The following KLHL29 variants were observed in gnomAD, a reference collection of about 807,000 sequenced individuals.
KLHL29 encodes kelch-like protein 29.
Under a neutral mutation model 80.4 loss-of-function variants are expected in KLHL29, and 21 were observed. That is an observed-to-expected ratio of 0.26 (90% CI 0.19 to 0.38). KLHL29 has a LOEUF of 0.38. Ranked by LOEUF, KLHL29 falls within the 10% of genes least tolerant of loss-of-function variation. The pLI, the probability that KLHL29 is intolerant of heterozygous loss-of-function variation, is 1.00. For missense variants in KLHL29, 867 were observed against 1,223.9 expected (o/e 0.71, Z 4.35); for synonymous variants, 511 against 526.8 (o/e 0.97, Z 0.41).
chr2:23,439,883 A>G (rs974512329), intron 1 of KLHL29, among the ~76,000 whole-genome samples: 10 of 152,026 alleles, frequency 6.6e-5, no homozygotes, highest in South Asian at 2.1e-4. Flanking sequence ...TTTCTGTCTC[A>G]TTGATCTGTC....
rs1671063955 is a variant in KLHL29, at chr2:23,680,795, C to T, written c.941-3604C>T. Among the ~76,000 whole-genome samples, 1 of 152,058 alleles carries T rather than the reference C, an allele frequency of 6.6e-6. No individual in the cohort carries two copies. Among genetic ancestry groups the T allele is most frequent in the African/African-American group, 2.4e-5 (1 of 41,378 alleles). On this transcript the variant is annotated intron_variant, in intron 5 of 13. Coordinates refer to ENST00000486442, the MANE Select transcript of KLHL29 (RefSeq NM_052920.2). This position sits in a 1 kb window ranked among gnomAD's most constrained non-coding sequence, Gnocchi z 4.1. ...TCTAGGCCATCTTCTCCTGGGGTCTCTAGGCCATCTTCTCCTGGGGTCTCT... is the reference window on the plus strand; with the variant it reads ...TCTAGGCCATCTTCTCCTGGGGTCTTTAGGCCATCTTCTCCTGGGGTCTCT...
At position 23,494,588 on chromosome 2, in the gene KLHL29, G is replaced by T. The variant is rs1451727041; in HGVS notation, c.-46+18921G>T. On this transcript the variant is annotated intron_variant, in intron 2 of 13. Transcript: ENST00000486442. ...AGGCACGTTTCCAAGATATAGGACTGCAGGGACCTTCATGCAAACTGCCGA... is the reference window on the plus strand; with the variant it reads ...AGGCACGTTTCCAAGATATAGGACTTCAGGGACCTTCATGCAAACTGCCGA... Among the ~76,000 whole-genome samples, 4 of 152,326 alleles carry T rather than the reference G, an allele frequency of 2.6e-5. No individual in the cohort carries two copies. In the East Asian group the frequency reaches 7.7e-4, roughly 29 times the overall value.
chr2:23,496,746 G>A (rs1665277352), intron 2 of KLHL29, among the ~76,000 whole-genome samples: 1 of 152,216 alleles, frequency 6.6e-6, no homozygotes, highest in South Asian at 2.1e-4. Flanking sequence ...CCTGACTTCT[G>A]TGGCAATGCT....
chr2:23,650,925 G>A (rs1330385528), intron 5 of KLHL29, among the ~76,000 whole-genome samples: 1 of 147,112 alleles, frequency 6.8e-6, no homozygotes, highest in Non-Finnish European at 1.5e-5. Context: ...TGATGGAGAG[G>A]GAAGGACATC....
intron 5 of KLHL29, among the ~76,000 whole-genome samples, chr2:23,666,552 T>A (rs191282547): frequency 2.1e-4 from 32 of 152,336 alleles, no homozygotes; most frequent in African/African-American, 7.5e-4. Flanking sequence ...GCCTTGAAGT[T>A]ATGGAGACCA....
chr2:23,469,809 A>G (rs744109), intron 1 of KLHL29, among the ~76,000 whole-genome samples: 51,218 of 151,866 alleles, frequency 0.34, 10,006 homozygotes, highest in African/African-American at 0.55. Flanking sequence ...GGGTGAGTCA[A>G]GCTTTGGTAG....
rs557437855 is a variant in KLHL29, at chr2:23,459,556, A to G, written c.-153-16004A>G. 3.3e-5 allele frequency among the ~76,000 whole-genome samples: 5 copies of G among 152,316 alleles called. No homozygotes were observed. The South Asian group carries it at 1.0e-3, about 32-fold the overall frequency. On this transcript the variant is annotated intron_variant, in intron 1 of 13. Transcript: ENST00000486442. Reference sequence around the variant, plus strand: ...AAATGACGACCAATGAAGCAGGATTAAAAACAGGAGATTGTTGTGTTGTGG... The same window carrying G: ...AAATGACGACCAATGAAGCAGGATTGAAAACAGGAGATTGTTGTGTTGTGG...
chr2:23,483,923 T>G (rs1317937289), intron 2 of KLHL29, among the ~76,000 whole-genome samples: 2 of 152,138 alleles, frequency 1.3e-5, no homozygotes, highest in African/African-American at 4.8e-5. Flanking sequence ...ATCAATCACA[T>G]GCCTGCCTGC....
chr2:23,448,956 A>G (rs948965046), intron 1 of KLHL29, among the ~76,000 whole-genome samples: 1 of 152,186 alleles, frequency 6.6e-6, no homozygotes, highest in African/African-American at 2.4e-5. Context: ...CAACTTTGGC[A>G]TACAGCAAGG....
chr2:23,547,189 C>T (rs1667000096), intron 2 of KLHL29, among the ~76,000 whole-genome samples: 1 of 152,212 alleles, frequency 6.6e-6, no homozygotes, highest in South Asian at 2.1e-4. Context: ...CCCAGCCCCG[C>T]TCCCTGGCCA....
At chr2:23,691,927 G>T in intron 7 of KLHL29, 51 bp downstream of exon 7, 1 of 1,509,338 alleles carries the variant, frequency 6.6e-7, no homozygotes. Flanking sequence ...GCAGATGGGC[G>T]GAGAACTCCA....
intron 4 of KLHL29, among the ~76,000 whole-genome samples, chr2:23,640,956 G>A (rs1356979897): frequency 6.6e-6 from 1 of 152,112 alleles, no homozygotes; most frequent in African/African-American, 2.4e-5. Context: ...TTCTGAGAGG[G>A]AGCTCCCAGC....
chr2:23,703,195 C>T lies in KLHL29; in HGVS notation c.2115C>T (p.Thr705=), dbSNP rs1020519817. The T allele has an allele frequency of 3.4e-6, 5 of 1,451,408 alleles. No individual in the cohort carries two copies. The highest frequency in any genetic ancestry group is 3.6e-4 in the Middle Eastern group (2 of 5,582). The allele number at this position is 1,451,408 out of a possible 1,614,324, so 89.9% of individuals were successfully genotyped here. Reference sequence around the variant, plus strand: ...TTCTCCTCTCCTGCAGGTACGACACCATCACCAACCAATGGGAGGCGGTGG... The same window carrying T: ...TTCTCCTCTCCTGCAGGTACGACACTATCACCAACCAATGGGAGGCGGTGG... ...GNVDHVERYD[T]ITNQWEAVAP... Residue 705 remains threonine (T), a synonymous_variant, in exon 12 of 14, where the codon ACC becomes ACT. Transcript: ENST00000486442.
Position 23,458,249 on chromosome 2 carries a change from T to A in KLHL29, c.-153-17311T>A, listed in dbSNP as rs545484392. ...TAATTTAACACATTTGTATTGAATG[T>A]CTGCTTTCTGCAAGGCACTGGTGCT... On this transcript the variant is annotated intron_variant, in intron 1 of 13. Coordinates refer to ENST00000486442, the MANE Select transcript of KLHL29 (RefSeq NM_052920.2). Among the ~76,000 whole-genome samples, 20 of 152,340 alleles carry A rather than the reference T, an allele frequency of 1.3e-4. 1 individual carries two copies. In the South Asian group the frequency reaches 4.1e-3, roughly 32 times the overall value.
intron 3 of KLHL29, among the ~76,000 whole-genome samples, chr2:23,604,863 GC>G (rs1246498007): frequency 2.0e-5 from 3 of 152,066 alleles, no homozygotes; most frequent in Non-Finnish European, 4.4e-5. Flanking sequence ...CATGCTTCCT[GC>G]CCCCCAGCTG....
chr2:23,578,985 A>G (rs1667913819), intron 3 of KLHL29, among the ~76,000 whole-genome samples: 1 of 152,210 alleles, frequency 6.6e-6, no homozygotes, highest in Admixed American at 6.5e-5. Flanking sequence ...ATGGGAAATC[A>G]TCGCCTCTAT....
intron 2 of KLHL29, among the ~76,000 whole-genome samples, chr2:23,494,740 A>G (rs1049327824): frequency 6.7e-6 from 1 of 149,722 alleles, no homozygotes; most frequent in Non-Finnish European, 1.5e-5. Flanking sequence ...CTCGGCTTCC[A>G]TCTGGTCCAG....
At chr2:23,643,655 G>A (rs1669840408) in intron 5 of KLHL29, 1 of 153,054 alleles carries the variant, frequency 6.5e-6, no homozygotes, top group African/African-American at 2.4e-5. Flanking sequence ...GGGACAGGAG[G>A]ACCAGGGCAC....
intron 5 of KLHL29, among the ~76,000 whole-genome samples, chr2:23,677,249 G>A (rs1558435665): frequency 6.6e-6 from 1 of 152,228 alleles, no homozygotes; most frequent in East Asian, 1.9e-4. Flanking sequence ...TCTGAGGCCA[G>A]ATATCACTGC....
Sources: allele counts gnomAD v4.1 joint callset (sites outside exome capture counted in the v4.1 genomes callset), GRCh38; gene constraint gnomAD v4.1.1; non-coding constraint Gnocchi (gnomAD v3.1); transcripts MANE v1.5; gene names NCBI Gene and HGNC (gene_info 2026-07-23, HGNC 2026-07-21).